RRM2: variants seen among roughly 807,000 people sequenced by gnomAD.
RRM2 encodes the protein ribonucleoside-diphosphate reductase subunit M2.
Under a neutral mutation model 45.9 loss-of-function variants are expected in RRM2, and 6 were observed. The ratio of observed to expected loss-of-function variants is 0.13; its 90% CI spans 0.07 to 0.26. The LOEUF is 0.26. RRM2 is among the 10% of genes least tolerant of loss of function. The pLI, the probability that RRM2 is intolerant of heterozygous loss-of-function variation, is 1.00. For missense variants in RRM2, 343 were observed against 489.5 expected, an observed-to-expected ratio of 0.70 and a Z score of 2.82; for synonymous variants, 177 against 173.0, an observed-to-expected ratio of 1.02 and a Z score of -0.18.
intron 3 of RRM2, among the ~76,000 whole-genome samples, chr2:10,158,269 T>G (rs1003334044): frequency 3.9e-5 from 6 of 152,150 alleles, no homozygotes; most frequent in Non-Finnish European, 8.8e-5. Flanking sequence ...GAGGGGGTGA[T>G]ACAAAGCGGT....
At chr2:10,158,151 A>G (rs1663473395) in intron 3 of RRM2, among the ~76,000 whole-genome samples, 2 of 152,174 alleles carry the variant, frequency 1.3e-5, no homozygotes, top group Admixed American at 6.5e-5. Context: ...TTACGGATGA[A>G]AAAAATAACA....
At chr2:10,176,636 T>A (rs1369098342) in intron 3 of RRM2, among the ~76,000 whole-genome samples, 1 of 138,534 alleles carries the variant, frequency 7.2e-6, no homozygotes, top group African/African-American at 2.5e-5. Context: ...GTATCTGGTT[T>A]CTTTTGCTTA....
chr2:10,161,316 C>T (rs1213717932), intron 3 of RRM2, among the ~76,000 whole-genome samples: 3 of 152,228 alleles, frequency 2.0e-5, no homozygotes, highest in Non-Finnish European at 4.4e-5. Context: ...GTCTCGACCT[C>T]TCAAAGTGCT....
intron 3 of RRM2, chr2:10,142,517 A>G: frequency 1.2e-6 from 1 of 830,986 alleles, no homozygotes; most frequent in Admixed American, 2.4e-5. Context: ...AGGTACTGCC[A>G]GCCTCTGCCG....
chr2:10,158,004 A>G (rs1663470259), intron 3 of RRM2, among the ~76,000 whole-genome samples: 1 of 151,878 alleles, frequency 6.6e-6, no homozygotes, highest in South Asian at 2.1e-4. Context: ...GAGGAGGGGT[A>G]AGTGACTAAA....
chr2:10,152,671 T>C (rs2357467), intron 3 of RRM2, among the ~76,000 whole-genome samples: 96,324 of 151,380 alleles, frequency 0.64, 31,165 homozygotes, highest in African/African-American at 0.7. Flanking sequence ...TTAGTAGATA[T>C]GCAGTTTCAC....
intron 3 of RRM2, among the ~76,000 whole-genome samples, chr2:10,147,834 A>G (rs1663221897): frequency 6.6e-6 from 1 of 152,004 alleles, no homozygotes; most frequent in South Asian, 2.1e-4. Context: ...CCCCTCCCCC[A>G]TAAGAAAGAT....
At chr2:10,138,063 T>G (rs1663021720), upstream of RRM2, among the ~76,000 whole-genome samples, 2 of 152,062 alleles carry the variant, frequency 1.3e-5, no homozygotes, top group African/African-American at 4.8e-5. Flanking sequence ...TGCAGTGACG[T>G]GATCTCGGCT....
chr2:10,182,095 G>A (rs1041462033), intron 3 of RRM2, among the ~76,000 whole-genome samples: 1 of 152,014 alleles, frequency 6.6e-6, no homozygotes, highest in African/African-American at 2.4e-5. Flanking sequence ...CTGACATTGA[G>A]CAAATCATTT....
rs965653191 is a variant in RRM2 at position 10,185,753 on chromosome 2, C to T, written n.483-24558C>T. Among the ~76,000 whole-genome samples the T allele has an allele frequency of 1.3e-4, 20 of 152,080 alleles. No homozygotes were observed. The highest frequency in any genetic ancestry group is 2.9e-4 in the Non-Finnish European group (20 of 68,012). ...CTCTCTCTGTCCCTTTGTCTCCTTT[C>T]CCCCACCCTTCACCTCCCCTCTCTG... On this transcript the variant is annotated intron_variant and non_coding_transcript_variant, in intron 3 of 3. Coordinates refer to the RRM2 transcript ENST00000381786. This position sits in a 1 kb window ranked among gnomAD's most constrained non-coding sequence, Gnocchi z 4.3.
intron 3 of RRM2, among the ~76,000 whole-genome samples, chr2:10,159,462 C>G (rs1663510366): frequency 6.6e-6 from 1 of 152,206 alleles, no homozygotes; most frequent in Admixed American, 6.5e-5. Context: ...CTAGGCGGGT[C>G]TCTCCTCCGA....
chr2:10,133,189 T>C (rs577575417), downstream of RRM2, among the ~76,000 whole-genome samples: 10 of 152,336 alleles, frequency 6.6e-5, 1 homozygote, highest in East Asian at 1.3e-3. Context: ...GGATCTCACT[T>C]GGGGAAAAGG....
rs1050223933 is a variant in RRM2 at position 10,190,665 on chromosome 2, G to A, written n.483-19646G>A. Among the ~76,000 whole-genome samples, 14 of 147,566 alleles carry A rather than the reference G, an allele frequency of 9.5e-5. 2 individuals carry two copies. Among genetic ancestry groups the A allele is most frequent in the African/African-American group, 3.6e-4 (14 of 39,270 alleles). The stretch of plus-strand genomic sequence containing the variant: ...GATGGTGGGGTTGGTGGTGATGAGT[G>A]TGATGATAATGGTGGTGATGATGGT... On this transcript the variant is annotated intron_variant and non_coding_transcript_variant, in intron 3 of 3. Transcript: ENST00000381786.
chr2:10,189,037 T>C (rs1241414481), intron 3 of RRM2, among the ~76,000 whole-genome samples: 2 of 152,084 alleles, frequency 1.3e-5, no homozygotes, highest in Non-Finnish European at 2.9e-5. Flanking sequence ...ACACAGTCAC[T>C]GGTGAAAGAG....
chr2:10,152,059 C>T (rs1335595027), intron 3 of RRM2, among the ~76,000 whole-genome samples: 1 of 151,110 alleles, frequency 6.6e-6, no homozygotes, highest in African/African-American at 2.5e-5. Context: ...TGCTATTCTC[C>T]TGCCTCAGCC....
chr2:10,195,295 G>A lies in RRM2; in HGVS notation n.483-15016G>A, dbSNP rs570501950. On this transcript the variant is annotated intron_variant and non_coding_transcript_variant, in intron 3 of 3. Transcript: ENST00000381786. This position sits in a 1 kb window ranked among gnomAD's most constrained non-coding sequence, Gnocchi z 4.9. ...GGAGGGGCTTCACAGAGGAGGCAGC[G>A]GCTCAGGTGGTCCCAGGAGGATGGG... Among the ~76,000 whole-genome samples, 6 of 152,138 alleles carry A rather than the reference G, an allele frequency of 3.9e-5. No homozygotes were observed. Among genetic ancestry groups the A allele is most frequent in the Non-Finnish European group, 7.4e-5 (5 of 68,024 alleles).
At position 10,127,266 on chromosome 2, in the gene RRM2, C is replaced by T. The variant is rs773719680; in HGVS notation, c.798+46C>T. On this transcript the variant is annotated intron_variant, in intron 7 of 9. Transcript: ENST00000304567. This position sits in a 1 kb window ranked among gnomAD's most constrained non-coding sequence, Gnocchi z 4.1. Reference sequence around the variant, plus strand: ...AGGGTGACCTAAACCCCAAACACAACTCGGGCATGCTCTTGTGTTCACTGA... The same window carrying T: ...AGGGTGACCTAAACCCCAAACACAATTCGGGCATGCTCTTGTGTTCACTGA... 5 of 1,588,702 alleles carry T rather than the reference C, an allele frequency of 3.1e-6. No homozygotes were observed. The African/African-American group carries it at 6.7e-5, about 21-fold the overall frequency.
intron 3 of RRM2, among the ~76,000 whole-genome samples, chr2:10,207,114 G>A (rs373732801): frequency 6.6e-6 from 1 of 152,286 alleles, no homozygotes; most frequent in African/African-American, 2.4e-5. Flanking sequence ...CCAGCCCAGC[G>A]CCTCCTGGGA....
At position 10,124,004 on chromosome 2, in the gene RRM2, CTT is replaced by C. The variant is rs1662727767; in HGVS notation, c.435+154_435+155del. 15 of 656,578 alleles carry C rather than the reference CTT, an allele frequency of 2.3e-5. No individual in the cohort carries two copies. In the East Asian group the frequency reaches 3.8e-4, roughly 17 times the overall value. 40.7% of individuals were successfully genotyped at this position (656,578 alleles called of 1,614,324 possible). On this transcript the variant is annotated intron_variant, in intron 4 of 9. Coordinates refer to ENST00000304567, the MANE Select transcript of RRM2 (RefSeq NM_001034.4). ...ACATGGCATTTCCTGTTTTGTAACA[CTT>C]TGCAGTTCTTTCTTATGGTATTTTC...
Sources: gnomAD v4.1 joint callset for allele counts (sites outside exome capture counted in the v4.1 genomes callset) on GRCh38, gnomAD v4.1.1 for gene constraint, Gnocchi (gnomAD v3.1) non-coding constraint, MANE v1.5 for transcripts, NCBI Gene and HGNC (gene_info 2026-07-23, HGNC 2026-07-21) for gene names.